The following STAT3 variants were observed in gnomAD, a reference collection of about 807,000 sequenced individuals.
STAT3 encodes DNA-binding protein APRF.
Under a neutral mutation model 114.3 loss-of-function variants are expected in STAT3, and 7 were observed. The observed-to-expected ratio is 0.06, with a 90% CI of 0.03 to 0.11. The LOEUF is 0.11. Among genes scored for constraint, STAT3 ranks in the 10% least tolerant of loss-of-function variants. The probability of loss-of-function intolerance (pLI) is 1.00; values close to 1 mark genes in which losing one functional copy is unlikely to be tolerated. For synonymous variants in STAT3, 331 were observed against 354.5 expected, an observed-to-expected ratio of 0.93 and a Z score of 0.74; for missense variants, 364 against 960.9, an observed-to-expected ratio of 0.38 and a Z score of 8.21.
intron 8 of STAT3, among the ~76,000 whole-genome samples, chr17:42,334,586 A>C: frequency 6.6e-6 from 1 of 151,868 alleles, no homozygotes; most frequent in Non-Finnish European, 1.5e-5. Flanking sequence ...CTGGGATTAC[A>C]GGCACCCACC....
chr17:42,356,632 T>C (rs911066749), intron 1 of STAT3, among the ~76,000 whole-genome samples: 14 of 151,162 alleles, frequency 9.3e-5, no homozygotes, highest in African/African-American at 3.4e-4. Flanking sequence ...ATGAAAAGAG[T>C]ATTGTGTTTG....
chr17:42,369,176 G>A (rs544650279), intron 1 of STAT3, among the ~76,000 whole-genome samples: 1 of 152,188 alleles, frequency 6.6e-6, no homozygotes, highest in Non-Finnish European at 1.5e-5. Context: ...TGCCCAACAC[G>A]GTGAAACCCC....
At chr17:42,344,573 G>A (rs2082607835) in intron 4 of STAT3, among the ~76,000 whole-genome samples, 1 of 151,474 alleles carries the variant, frequency 6.6e-6, no homozygotes, top group Non-Finnish European at 1.5e-5. Context: ...CAAAAAATTA[G>A]CCAGGCTTGG....
intron 1 of STAT3, among the ~76,000 whole-genome samples, chr17:42,354,103 T>C (rs187447151): frequency 3.9e-5 from 6 of 152,148 alleles, no homozygotes; most frequent in Admixed American, 3.3e-4. Context: ...TAAGGATTTT[T>C]TGGTTGTTGC....
At chr17:42,339,645 G>T (rs893054347) in intron 4 of STAT3, among the ~76,000 whole-genome samples, 5 of 152,068 alleles carry the variant, frequency 3.3e-5, no homozygotes, top group African/African-American at 1.2e-4. Flanking sequence ...CTAAGACATG[G>T]TCTATGCCTT....
chr17:42,388,166 G>A (rs1443946201), intron 1 of STAT3, 113 bp downstream of exon 1: 2 of 1,164,386 alleles, frequency 1.7e-6, no homozygotes, highest in Non-Finnish European at 2.2e-6. Flanking sequence ...CATCTCTCCC[G>A]GCCCCACTGC....
At position 42,339,393 on chromosome 17, in the gene STAT3, T is replaced by C. The variant is rs1195908534; in HGVS notation, c.389A>G (p.Asn130Ser). Residue 130 changes from asparagine to serine, a missense_variant, in exon 5 of 24, where the codon AAC becomes AGC. Around this residue, in one of 5 missense-constraint regions of STAT3, gnomAD observed 294 missense variants for 745.1 expected, o/e 0.39. Transcript: ENST00000264657. ...CGTCACCACGGCTGCTGTGGGGTGG[T>C]TGGCCTGGCCCCCTTGCTGCCAAAA... ...ATAAQQGGQA[N>S]HPTAAVVTEK... The C allele has an allele frequency of 6.2e-7, 1 of 1,613,962 alleles. No homozygotes were observed.
chr17:42,339,489 C>CT, intron 4 of STAT3, 80 bp from the exon 5 acceptor site: 1 of 1,398,722 alleles, frequency 7.1e-7, no homozygotes, highest in South Asian at 1.2e-5. Flanking sequence ...CCATCCCACC[C>CT]TAACTACCCT....
intron 3 of STAT3, among the ~76,000 whole-genome samples, 179 bp from the exon 4 acceptor site, chr17:42,345,836 C>T (rs1168138514): frequency 3.3e-5 from 5 of 149,342 alleles, no homozygotes; most frequent in African/African-American, 1.2e-4. Context: ...AAGGGGAGGT[C>T]GTTACTATTT....
chr17:42,383,202 G>A lies in STAT3; in HGVS notation c.-24+5077C>T, dbSNP rs532156031. On this transcript the variant is annotated intron_variant, in intron 1 of 23. Coordinates refer to ENST00000264657, the MANE Select transcript of STAT3 (RefSeq NM_139276.3). ...CTCCAGAGTAGCTGGAACTACAGGC[G>A]TGTGCCACCACACCTGGCTAATTTT... Among the ~76,000 whole-genome samples, 31 of 151,914 alleles carry A rather than the reference G, an allele frequency of 2.0e-4. No individual in the cohort carries two copies. The South Asian group carries it at 6.2e-3, about 31-fold the overall frequency.
chr17:42,370,787 A>G (rs1343785733), intron 1 of STAT3, among the ~76,000 whole-genome samples: 1 of 128,274 alleles, frequency 7.8e-6, no homozygotes, highest in Non-Finnish European at 1.7e-5. Flanking sequence ...TTTTTTTTTT[A>G]GTAGAGGTGG....
chr17:42,315,487 G>A lies in STAT3; in HGVS notation c.*258C>T, dbSNP rs1179036729. On this transcript the variant is annotated 3_prime_UTR_variant, in exon 24 of 24. Transcript: ENST00000264657. ...CTTTTTCTCCCTCTAGCCACCCCCC[G>A]CCACATCCCCTGATCATGGGTCTCA... 6.8e-6 allele frequency: 4 copies of A among 587,986 alleles called. No individual in the cohort carries two copies. Among genetic ancestry groups the A allele is most frequent in the South Asian group, 2.0e-5 (1 of 49,630 alleles). 36.4% of individuals were successfully genotyped at this position (587,986 alleles called of 1,614,324 possible).
chr17:42,374,360 C>A (rs533732711), intron 1 of STAT3, among the ~76,000 whole-genome samples: 119 of 152,168 alleles, frequency 7.8e-4, no homozygotes, highest in Non-Finnish European at 1.5e-3. Context: ...GTAATCCCAG[C>A]ACTTTGGGAG....
intron 15 of STAT3, among the ~76,000 whole-genome samples, chr17:42,325,345 T>G (rs2081658796): frequency 6.6e-6 from 1 of 152,182 alleles, no homozygotes; most frequent in South Asian, 2.1e-4. Context: ...TTCCCCATTT[T>G]TAAGACCTTG....
chr17:42,321,959 G>A (rs1003275427), intron 21 of STAT3, among the ~76,000 whole-genome samples: 13 of 152,056 alleles, frequency 8.5e-5, no homozygotes, highest in Non-Finnish European at 1.3e-4. Flanking sequence ...AAGTAGCTAC[G>A]ACTACAAATG....
chr17:42,351,439 T>A (rs1331818021), intron 1 of STAT3, among the ~76,000 whole-genome samples: 2 of 152,082 alleles, frequency 1.3e-5, no homozygotes, highest in Non-Finnish European at 2.9e-5. Flanking sequence ...TCCTACTGTG[T>A]TGCCCAGGCT....
At chr17:42,375,980 GTC>G (rs1435031099) in intron 1 of STAT3, among the ~76,000 whole-genome samples, 2 of 151,660 alleles carry the variant, frequency 1.3e-5, no homozygotes, top group Middle Eastern at 3.2e-3. Context: ...GTAAAACCCT[GTC>G]TCTACTAAAA....
chr17:42,345,290 A>C (rs1350270740), intron 4 of STAT3: 1 of 423,472 alleles, frequency 2.4e-6, no homozygotes, highest in Non-Finnish European at 4.2e-6. Context: ...AGAAAAACAA[A>C]GAAAATTTGT....
At chr17:42,382,653 T>C (rs1000766936) in intron 1 of STAT3, among the ~76,000 whole-genome samples, 3 of 149,814 alleles carry the variant, frequency 2.0e-5, no homozygotes, top group Non-Finnish European at 3.0e-5. Flanking sequence ...CTTTTTTTTT[T>C]CTTTTTTTTT....
Sources: allele counts gnomAD v4.1 joint callset (sites outside exome capture counted in the v4.1 genomes callset), GRCh38; gene constraint gnomAD v4.1.1; regional missense constraint gnomAD v4.1.1; transcripts MANE v1.5; gene names NCBI Gene and HGNC (gene_info 2026-07-23, HGNC 2026-07-21).